The following HDC variants were observed in gnomAD, a reference collection of about 807,000 sequenced individuals.
HDC encodes histidine decarboxylase.
A neutral mutation model predicts 64.4 loss-of-function variants in HDC; 27 were observed. That is an observed-to-expected ratio of 0.42 (90% CI 0.31 to 0.58). The LOEUF (loss-of-function observed/expected upper bound fraction) is 0.58. Among genes scored for constraint, HDC ranks in the 20% least tolerant of loss-of-function variants. The pLI is 0.16. For missense variants in HDC, 711 were observed against 833.9 expected, an observed-to-expected ratio of 0.85 and a Z score of 1.81; for synonymous variants, 305 against 314.2, an observed-to-expected ratio of 0.97 and a Z score of 0.31.
rs1555503913 is a variant in HDC at position 50,254,776 on chromosome 15, C to CTGTG, written c.442-116_442-113dup. Reference sequence around the variant, plus strand: ...TCTCTCTCTCTCTCTCTCTCTCTCTCTGTGTGTGTATGTGTTTGTGTATGT... The same window carrying CTGTG: ...TCTCTCTCTCTCTCTCTCTCTCTCTCTGTGTGTGTGTGTATGTGTTTGTGTATGT... On this transcript the variant is annotated intron_variant, in intron 4 of 11. Transcript: ENST00000267845. 172 of 826,314 alleles carry CTGTG rather than the reference C, an allele frequency of 2.1e-4. 2 individuals are homozygous for CTGTG. Among genetic ancestry groups the CTGTG allele is most frequent in the East Asian group, 1.8e-3 (62 of 33,552 alleles). The allele number at this position is 826,314 out of a possible 1,614,324, so 51.2% of individuals were successfully genotyped here.
At chr15:50,265,263 G>T (rs1406665826) in intron 1 of HDC, among the ~76,000 whole-genome samples, 3 of 152,090 alleles carry the variant, frequency 2.0e-5, no homozygotes, top group Non-Finnish European at 4.4e-5. Flanking sequence ...TTCTATTTCA[G>T]AATATGAACA....
chr15:50,245,479 G>C (rs2045469532), intron 10 of HDC, among the ~76,000 whole-genome samples: 1 of 152,194 alleles, frequency 6.6e-6, no homozygotes, highest in Admixed American at 6.5e-5. Context: ...GGGAAGAAGA[G>C]AAGAGGAAGA....
At chr15:50,255,417 A>G (rs2045617153) in intron 4 of HDC, among the ~76,000 whole-genome samples, 1 of 152,218 alleles carries the variant, frequency 6.6e-6, no homozygotes, top group Admixed American at 6.5e-5. Flanking sequence ...AGACACTGTC[A>G]TGGAGAGTGG....
At position 50,242,909 on chromosome 15, in the gene HDC, C is replaced by T. The variant is rs370055047; in HGVS notation, c.1340G>A (p.Arg447His). The T allele has an allele frequency of 1.2e-5, 19 of 1,614,002 alleles. No homozygotes were observed. Among genetic ancestry groups the T allele is most frequent in the Admixed American group, 5.0e-5 (3 of 59,992 alleles). The change falls in exon 12 of 12, where the codon CGT becomes CAT. Residue 447 changes from arginine to histidine, a missense_variant. By Grantham distance (29) the Arg-to-His change is conservative. Coordinates refer to ENST00000267845, the MANE Select transcript of HDC (RefSeq NM_002112.4). Reference protein sequence around the residue: ...PATIQDKLIIRFTVTSQFTTR... With the variant: ...PATIQDKLIIHFTVTSQFTTR... ...GGTAAACTGGGATGTCACAGTGAAA[C>T]GGATGATTAACTTGTCCTGGATAGT...
intron 2 of HDC, among the ~76,000 whole-genome samples, chr15:50,262,183 G>C (rs2045713084): frequency 6.6e-6 from 1 of 152,056 alleles, no homozygotes; most frequent in South Asian, 2.1e-4. Flanking sequence ...TAGGGGCCCA[G>C]GCTTAGCCAG....
intron 10 of HDC, among the ~76,000 whole-genome samples, chr15:50,247,162 C>A (rs1236912393): frequency 6.6e-6 from 1 of 152,074 alleles, no homozygotes; most frequent in African/African-American, 2.4e-5. Context: ...TTAAATAGAT[C>A]TAATGTTAGG....
chr15:50,252,299 C>A, intron 9 of HDC, 131 bp downstream of exon 9: 2 of 708,732 alleles, frequency 2.8e-6, no homozygotes, highest in Non-Finnish European at 2.5e-6. Context: ...TATGCATTGG[C>A]AGTATTATGA....
rs558150987 is a variant in HDC at position 50,242,208 on chromosome 15, G to T, written c.*52C>A. 4 of 1,463,162 alleles carry T rather than the reference G, an allele frequency of 2.7e-6. No individual in the cohort carries two copies. The highest frequency in any genetic ancestry group is 2.3e-5 in the South Asian group (2 of 88,080). The allele number at this position is 1,463,162 out of a possible 1,614,324, so 90.6% of individuals were successfully genotyped here. A position where few individuals can be genotyped will look rare whatever the true frequency, so the allele number is the denominator to read the frequency against. On this transcript the variant is annotated 3_prime_UTR_variant, in exon 12 of 12. Transcript: ENST00000267845. Reference sequence around the variant, plus strand: ...CAAAGTTGGCATACAATTGTGAGGGGTTCACAGAGTCCCTGAAGTATATCC... The same window carrying T: ...CAAAGTTGGCATACAATTGTGAGGGTTTCACAGAGTCCCTGAAGTATATCC...
intron 9 of HDC, among the ~76,000 whole-genome samples, chr15:50,249,120 A>C (rs966342120): frequency 2.0e-5 from 3 of 152,188 alleles, no homozygotes; most frequent in Admixed American, 6.5e-5. Context: ...TCAAATGAGC[A>C]CCCAAATTTC....
Position 50,258,490 on chromosome 15 carries a change from G to C in HDC, c.232C>G (p.His78Asp). The C allele has an allele frequency of 6.2e-7, 1 of 1,612,942 alleles. No individual in the cohort carries two copies. Among genetic ancestry groups the C allele is most frequent in the Non-Finnish European group, 8.5e-7 (1 of 1,179,036 alleles). ...GAGGTGAGGGCTGGGTAGTAGGCGT[G>C]CATATGGGGGCTCTGCCAATGTACC... ...GVVHWQSPHM[H>D]AYYPALTSWP... Residue 78 changes from histidine to aspartate, a missense_variant, in exon 3 of 12, where the codon CAC (histidine) becomes GAC (aspartate). His to Asp is a moderately conservative substitution (Grantham distance 81, BLOSUM62 -1). This residue lies in a region of HDC where 225 missense variants were observed against 276.2 expected (regional missense o/e 0.81). Coordinates refer to ENST00000267845, the MANE Select transcript of HDC (RefSeq NM_002112.4).
At chr15:50,257,603 C>A (rs2045649953) in intron 3 of HDC, 56 bp from the exon 4 acceptor site, 6 of 1,599,060 alleles carry the variant, frequency 3.8e-6, no homozygotes, top group Non-Finnish European at 5.1e-6. Flanking sequence ...GAGGTGCCCC[C>A]ACGAGCTCCA....
Position 50,243,211 on chromosome 15 carries a change from C to G in HDC, c.1174G>C (p.Val392Leu). Residue 392 changes from valine (V) to leucine (L), a missense_variant, in exon 11 of 12, where the codon GTC becomes CTC. Physicochemically the swap from Val to Leu is conservative, Grantham distance 32 (BLOSUM62 1). This residue lies in a region of HDC where 483 missense variants were observed against 540.9 expected (regional missense o/e 0.89). Transcript: ENST00000267845. ...ATTTCAAAGGAAGGGTCGTTTCTGA[C>G]CAGAGATTCAAAATATTTAGCCATT... ...TEMAKYFESL[V>L]RNDPSFEIPA... The G allele has an allele frequency of 6.2e-7, 1 of 1,613,616 alleles. No individual in the cohort carries two copies. Among genetic ancestry groups the G allele is most frequent in the Admixed American group, 1.7e-5 (1 of 60,014 alleles).
intron 10 of HDC, among the ~76,000 whole-genome samples, chr15:50,245,620 G>T (rs766287592): frequency 6.6e-6 from 1 of 152,118 alleles, no homozygotes; most frequent in African/African-American, 2.4e-5. Flanking sequence ...CATGGCCAGG[G>T]GTGGTGGCTC....
rs200537365 is a variant in HDC at position 50,242,520 on chromosome 15, T to C, written c.1729A>G (p.Thr577Ala). The C allele has an allele frequency of 6.2e-7, 1 of 1,614,238 alleles. No homozygotes were observed. The highest frequency in any genetic ancestry group is 1.1e-5 in the South Asian group (1 of 91,084). The change falls in exon 12 of 12, where the codon ACT (threonine) becomes GCT (alanine). Residue 577 changes from threonine to alanine, a missense_variant. By Grantham distance (58) the Thr-to-Ala change is moderately conservative (BLOSUM62 0). This residue lies in a region of HDC where 483 missense variants were observed against 540.9 expected (regional missense o/e 0.89). Coordinates refer to ENST00000267845, the MANE Select transcript of HDC (RefSeq NM_002112.4). ...SFLFSYLSVQ[T>A]KKKTVRSLSC... ...AGGGAGCGCACCGTCTTCTTCTTAG[T>C]CTGCACAGACAAGTAACTGAACAGG...
intron 4 of HDC, 146 bp from the exon 5 acceptor site, chr15:50,254,810 T>A: frequency 1.2e-6 from 1 of 863,708 alleles, no homozygotes; most frequent in Non-Finnish European, 1.9e-6. Context: ...GTGTGTGTCA[T>A]AGCTATTCAC....
chr15:50,249,814 G>A (rs760589044), intron 9 of HDC, among the ~76,000 whole-genome samples: 1 of 152,254 alleles, frequency 6.6e-6, no homozygotes, highest in Non-Finnish European at 1.5e-5. Flanking sequence ...AGGATAGGCA[G>A]AGGTGATTTT....
chr15:50,254,210 C>T lies in HDC; in HGVS notation c.640G>A (p.Asp214Asn). ...SLVKMKFLPV[D>N]DNFSLRGEAL... The stretch of plus-strand genomic sequence containing the variant: ...TCCCCTCGGAGTGAGAAGTTGTCAT[C>T]CACAGGCAGAAATTTCATCTTCACA... The change falls in exon 6 of 12, where the codon GAT becomes AAT. Residue 214 changes from aspartate (D) to asparagine (N), a missense_variant. This residue lies in a region of HDC where 225 missense variants were observed against 276.2 expected (regional missense o/e 0.81). Coordinates refer to ENST00000267845, the MANE Select transcript of HDC (RefSeq NM_002112.4). The T allele has an allele frequency of 1.9e-6, 3 of 1,614,210 alleles. No homozygotes were observed. The highest frequency in any genetic ancestry group is 2.5e-6 in the Non-Finnish European group (3 of 1,180,044).
rs1014317674 is a variant in HDC at position 50,254,443 on chromosome 15, C to G, written c.576+87G>C. On this transcript the variant is annotated intron_variant, in intron 5 of 11. Coordinates refer to ENST00000267845, the MANE Select transcript of HDC (RefSeq NM_002112.4). ...CTGAGCTGCTCAGAACCCCAGCGTA[C>G]TCACGTCTAGAAAAAAATTGCTCAA... is the stretch of plus-strand genomic sequence containing the variant. 3.8e-6 allele frequency: 6 copies of G among 1,585,414 alleles called. No homozygotes were observed. The African/African-American group carries it at 8.1e-5, about 21-fold the overall frequency.
intron 7 of HDC, 99 bp from the exon 8 acceptor site, chr15:50,252,873 G>T: frequency 1.6e-6 from 2 of 1,261,378 alleles, no homozygotes; most frequent in Non-Finnish European, 2.2e-6. Context: ...AGGATGATGT[G>T]CTTTGGCTAA....
Sources: allele counts gnomAD v4.1 joint callset (sites outside exome capture counted in the v4.1 genomes callset), GRCh38; gene constraint gnomAD v4.1.1; regional missense constraint gnomAD v4.1.1; transcripts MANE v1.5; gene names NCBI Gene and HGNC (gene_info 2026-07-23, HGNC 2026-07-21).